OTUD6A: variants seen among roughly 807,000 people sequenced by gnomAD.
The protein encoded by OTUD6A is OTU domain-containing protein 6A.
For synonymous variants in OTUD6A, 138 were observed against 120.2 expected, an observed-to-expected ratio of 1.15 and a Z score of -0.97; for missense variants, 209 against 268.2, an observed-to-expected ratio of 0.78 and a Z score of 1.54.
At position 70,062,574 on chromosome X, in the gene OTUD6A, G is replaced by A. The variant is rs1224202972; in HGVS notation, c.50G>A (p.Arg17His). 11 of 1,207,604 alleles carry A rather than the reference G, an allele frequency of 9.1e-6. No homozygotes were observed. The highest frequency in any genetic ancestry group is 4.6e-4 in the Middle Eastern group (2 of 4,370). ...EQQRILRRHQ[R>H]ERQELQAQIR... The stretch of plus-strand genomic sequence containing the variant: ...CAGCGCATACTGCGCCGCCACCAAC[G>A]CGAGAGGCAGGAGCTGCAGGCCCAG... The change falls in exon 1 of 1, where the codon CGC (arginine) becomes CAC (histidine). Residue 17 changes from arginine to histidine, a missense_variant. By Grantham distance (29) the Arg-to-His change is conservative. Coordinates refer to ENST00000338352, the MANE Select transcript of OTUD6A (RefSeq NM_207320.3).
chrX:70,063,516 CG>C lies in OTUD6A; in HGVS notation c.*126del, dbSNP rs1451051978. On this transcript the variant is annotated 3_prime_UTR_variant, in exon 1 of 1. Transcript: ENST00000338352. ...TTCCTTCCTTTTAATCAAAACTACC[CG>C]CCCCCGCCCCGCCCCCGCTTTCCTA... is the stretch of plus-strand genomic sequence containing the variant. 1.2e-6 allele frequency: 1 copy of C among 864,166 alleles called. No individual in the cohort carries two copies. The highest frequency in any genetic ancestry group is 1.6e-6 in the Non-Finnish European group (1 of 642,032). The allele number at this position is 864,166 out of a possible 1,213,427, so 71.2% of individuals were successfully genotyped here.
chrX:70,063,365 G>C lies in OTUD6A; in HGVS notation c.841G>C (p.Gly281Arg), dbSNP rs377479584. 8.4e-7 allele frequency: 1 copy of C among 1,196,481 alleles called. No homozygotes were observed. Among genetic ancestry groups the C allele is most frequent in the Non-Finnish European group, 1.1e-6 (1 of 887,334 alleles). ...SVTPLEAGAA[G>R]GVLPRLL is the part of the protein sequence containing the mutation. The stretch of plus-strand genomic sequence containing the variant: ...GACACCGCTCGAGGCCGGCGCCGCC[G>C]GGGGCGTGCTCCCGCGTCTCCTGTA... Residue 281 changes from glycine (G) to arginine (R), a missense_variant, in exon 1 of 1, where the codon GGG becomes CGG. Coordinates refer to ENST00000338352, the MANE Select transcript of OTUD6A (RefSeq NM_207320.3).
In OTUD6A at chrX:70,062,539, G is replaced by A. The variant is rs779850607; in HGVS notation, c.15G>A (p.Lys5=). The change falls in exon 1 of 1, where the codon AAG becomes AAA. Residue 5 remains lysine, a synonymous_variant. Coordinates refer to ENST00000338352, the MANE Select transcript of OTUD6A (RefSeq NM_207320.3). MDDP[K]SEQQRILRRH... is the part of the protein sequence containing the mutation. ...CATTCAACATCATGGATGATCCGAA[G>A]AGTGAACAGCAGCGCATACTGCGCC... 1.7e-6 allele frequency: 2 copies of A among 1,206,817 alleles called. No individual in the cohort carries two copies. Among genetic ancestry groups the A allele is most frequent in the East Asian group, 5.9e-5 (2 of 33,781 alleles).
Position 70,062,728 on chromosome X carries a change from C to A in OTUD6A, c.204C>A (p.Asp68Glu). 1 of 1,210,507 alleles carries A rather than the reference C, an allele frequency of 8.3e-7. No individual in the cohort carries two copies. Among genetic ancestry groups the A allele is most frequent in the Non-Finnish European group, 1.1e-6 (1 of 894,895 alleles). Residue 68 changes from aspartate to glutamate, a missense_variant, in exon 1 of 1, where the codon GAC becomes GAA. Coordinates refer to ENST00000338352, the MANE Select transcript of OTUD6A (RefSeq NM_207320.3). Reference protein sequence around the residue: ...KHRQELEKFQDDSSIESVVED... With the variant: ...KHRQELEKFQEDSSIESVVED... ...GGCAGGAGCTGGAGAAGTTCCAAGACGACAGTAGCATTGAATCTGTCGTCG... is the reference window on the plus strand; with the variant it reads ...GGCAGGAGCTGGAGAAGTTCCAAGAAGACAGTAGCATTGAATCTGTCGTCG...
In OTUD6A at chrX:70,063,622, C is replaced by A; in HGVS notation, c.*231C>A. The stretch of plus-strand genomic sequence containing the variant: ...TATGAGGGAAATCTCTGCATTGCAC[C>A]ACCAGAGGGGCATAAATTTGAAAGT... On this transcript the variant is annotated 3_prime_UTR_variant, in exon 1 of 1. Coordinates refer to ENST00000338352, the MANE Select transcript of OTUD6A (RefSeq NM_207320.3). 2.4e-6 allele frequency: 1 copy of A among 417,001 alleles called. No individual in the cohort carries two copies. 34.4% of individuals were successfully genotyped at this position (417,001 alleles called of 1,213,427 possible). A position where few individuals can be genotyped will look rare whatever the true frequency, so the allele number is the denominator to read the frequency against.
Position 70,062,590 on chromosome X carries a change from G to A in OTUD6A, c.66G>A (p.Leu22=). ...GCCACCAACGCGAGAGGCAGGAGCT[G>A]CAGGCCCAGATCCGGAGCTTAAAAA... The part of the protein sequence containing the change: ...LRRHQRERQE[L]QAQIRSLKNS... Residue 22 remains leucine, a synonymous_variant, in exon 1 of 1, where the codon CTG becomes CTA. Coordinates refer to ENST00000338352, the MANE Select transcript of OTUD6A (RefSeq NM_207320.3). The A allele has an allele frequency of 8.3e-7, 1 of 1,209,323 alleles. No individual in the cohort carries two copies. The highest frequency in any genetic ancestry group is 1.1e-6 in the Non-Finnish European group (1 of 894,265).
Position 70,062,727 on chromosome X carries a change from A to G in OTUD6A, c.203A>G (p.Asp68Gly). ...KHRQELEKFQDDSSIESVVED... is the reference protein window; with the variant it reads ...KHRQELEKFQGDSSIESVVED... ...CGGCAGGAGCTGGAGAAGTTCCAAG[A>G]CGACAGTAGCATTGAATCTGTCGTC... Residue 68 changes from aspartate to glycine, a missense_variant, in exon 1 of 1, where the codon GAC becomes GGC. Asp to Gly is a moderately conservative substitution (Grantham distance 94). Transcript: ENST00000338352. The G allele has an allele frequency of 8.3e-7, 1 of 1,210,666 alleles. No homozygotes were observed. The highest frequency in any genetic ancestry group is 2.3e-4 in the Middle Eastern group (1 of 4,356).
At position 70,064,067 on chromosome X, in the gene OTUD6A, G is replaced by A. The variant is rs1475533975; in HGVS notation, c.*676G>A. On this transcript the variant is annotated 3_prime_UTR_variant, in exon 1 of 1. Transcript: ENST00000338352. ...AGGTTGGCGGGGGCCTGTAATCCTA[G>A]CTACTTGGGGTGCTGAGGCAGGAGA... 9.0e-6 allele frequency: 1 copy of A among 111,247 alleles called. No homozygotes were observed. The highest frequency in any genetic ancestry group is 1.9e-5 in the Non-Finnish European group (1 of 52,997). 9.2% of individuals were successfully genotyped at this position (111,247 alleles called of 1,213,427 possible).
Position 70,062,711 on chromosome X carries a change from C to A in OTUD6A, c.187C>A (p.Leu63Met), listed in dbSNP as rs1445576482. The A allele has an allele frequency of 1.7e-6, 2 of 1,211,198 alleles. No homozygotes were observed. Among genetic ancestry groups the A allele is most frequent in the Admixed American group, 4.3e-5 (2 of 46,007 alleles). The stretch of plus-strand genomic sequence containing the variant: ...GATGGCTCAGAAGCACCGGCAGGAG[C>A]TGGAGAAGTTCCAAGACGACAGTAG... ...AEMAQKHRQE[L>M]EKFQDDSSIE... Residue 63 changes from leucine (L) to methionine (M), a missense_variant, in exon 1 of 1, where the codon CTG becomes ATG. Transcript: ENST00000338352.
In OTUD6A at chrX:70,062,965, G is replaced by A. The variant is rs760152639; in HGVS notation, c.441G>A (p.Pro147=). ...GARGLEMKAI[P]ADGHCMYRAI... ...GGGGTCTGGAGATGAAAGCGATCCCGGCCGACGGCCACTGCATGTACCGCG... is the reference window on the plus strand; with the variant it reads ...GGGGTCTGGAGATGAAAGCGATCCCAGCCGACGGCCACTGCATGTACCGCG... Residue 147 remains proline (P), a synonymous_variant, in exon 1 of 1, where the codon CCG becomes CCA. Coordinates refer to ENST00000338352, the MANE Select transcript of OTUD6A (RefSeq NM_207320.3). 5.0e-6 allele frequency: 6 copies of A among 1,204,116 alleles called. No homozygotes were observed. The South Asian group carries it at 9.0e-5, about 18-fold the overall frequency.
rs1348882403 is a variant in OTUD6A at position 70,062,785 on chromosome X, G to A, written c.261G>A (p.Arg87=). The change falls in exon 1 of 1, where the codon CGG becomes CGA. Residue 87 remains arginine, a synonymous_variant. Coordinates refer to ENST00000338352, the MANE Select transcript of OTUD6A (RefSeq NM_207320.3). The part of the protein sequence containing the change: ...EDLAKMNLEN[R]PPRSSKAHRK... The stretch of plus-strand genomic sequence containing the variant: ...TGGCCAAGATGAATCTGGAAAACCG[G>A]CCTCCCCGCTCCTCCAAAGCCCACA... The A allele has an allele frequency of 2.5e-6, 3 of 1,208,013 alleles. No homozygotes were observed. Among genetic ancestry groups the A allele is most frequent in the Non-Finnish European group, 3.4e-6 (3 of 893,774 alleles).
chrX:70,063,517 GC>G lies in OTUD6A; in HGVS notation c.*131del. 1.2e-6 allele frequency: 1 copy of G among 857,094 alleles called. No homozygotes were observed. The highest frequency in any genetic ancestry group is 1.6e-6 in the Non-Finnish European group (1 of 640,211). The allele number at this position is 857,094 out of a possible 1,213,427, so 70.6% of individuals were successfully genotyped here. ...TCCTTCCTTTTAATCAAAACTACCC[GC>G]CCCCGCCCCGCCCCCGCTTTCCTAA... On this transcript the variant is annotated 3_prime_UTR_variant, in exon 1 of 1. Transcript: ENST00000338352.
At position 70,062,843 on chromosome X, in the gene OTUD6A, G is replaced by A. The variant is rs753609385; in HGVS notation, c.319G>A (p.Glu107Lys). ...KRERMESEER[E>K]RQESIFQAEM... ...AGAAAGAATGGAGTCCGAGGAGAGG[G>A]AGCGCCAGGAGAGCATCTTCCAGGC... is the stretch of plus-strand genomic sequence containing the variant. Residue 107 changes from glutamate to lysine, a missense_variant, in exon 1 of 1, where the codon GAG (glutamate) becomes AAG (lysine). Glu to Lys is a moderately conservative substitution (Grantham distance 56). Transcript: ENST00000338352. The A allele has an allele frequency of 8.4e-7, 1 of 1,195,421 alleles. No homozygotes were observed. The highest frequency in any genetic ancestry group is 1.8e-5 in the South Asian group (1 of 54,721).
In OTUD6A at chrX:70,062,713, G is replaced by T. The variant is rs143600940; in HGVS notation, c.189G>T (p.Leu63=). Reference sequence around the variant, plus strand: ...TGGCTCAGAAGCACCGGCAGGAGCTGGAGAAGTTCCAAGACGACAGTAGCA... The same window carrying T: ...TGGCTCAGAAGCACCGGCAGGAGCTTGAGAAGTTCCAAGACGACAGTAGCA... The part of the protein sequence containing the change: ...AEMAQKHRQE[L]EKFQDDSSIE... Residue 63 remains leucine (L), a synonymous_variant, in exon 1 of 1, where the codon CTG becomes CTT. Transcript: ENST00000338352. The T allele has an allele frequency of 7.4e-6, 9 of 1,209,544 alleles. No homozygotes were observed. The African/African-American group carries it at 1.2e-4, about 16-fold the overall frequency.
At position 70,063,362 on chromosome X, in the gene OTUD6A, G is replaced by A. The variant is rs754066346; in HGVS notation, c.838G>A (p.Ala280Thr). 48 of 1,195,657 alleles carry A rather than the reference G, an allele frequency of 4.0e-5. No individual in the cohort carries two copies. The South Asian group carries it at 8.2e-4, about 20-fold the overall frequency. The change falls in exon 1 of 1, where the codon GCC becomes ACC. Residue 280 changes from alanine to threonine, a missense_variant. Transcript: ENST00000338352. The part of the protein sequence containing the change: ...NSVTPLEAGA[A>T]GGVLPRLL ...CGTGACACCGCTCGAGGCCGGCGCC[G>A]CCGGGGGCGTGCTCCCGCGTCTCCT...
At position 70,063,279 on chromosome X, in the gene OTUD6A, A is replaced by G. The variant is rs1260712771; in HGVS notation, c.755A>G (p.Lys252Arg). The change falls in exon 1 of 1, where the codon AAG (lysine) becomes AGG (arginine). Residue 252 changes from lysine to arginine, a missense_variant. Transcript: ENST00000338352. ...TLIIGEEYVK[K>R]PIILVYLRYA... ...ATCATCGGGGAGGAGTACGTCAAGAAGCCGATCATCCTGGTCTACCTGCGC... is the reference window on the plus strand; with the variant it reads ...ATCATCGGGGAGGAGTACGTCAAGAGGCCGATCATCCTGGTCTACCTGCGC... 8.3e-7 allele frequency: 1 copy of G among 1,211,100 alleles called. No individual in the cohort carries two copies.
Position 70,063,283 on chromosome X carries a change from G to A in OTUD6A, c.759G>A (p.Pro253=), listed in dbSNP as rs1479120379. 1 of 1,209,307 alleles carries A rather than the reference G, an allele frequency of 8.3e-7. No individual in the cohort carries two copies. The highest frequency in any genetic ancestry group is 1.1e-6 in the Non-Finnish European group (1 of 895,147). ...TCGGGGAGGAGTACGTCAAGAAGCC[G>A]ATCATCCTGGTCTACCTGCGCTATG... ...LIIGEEYVKK[P]IILVYLRYAY... The change falls in exon 1 of 1, where the codon CCG becomes CCA. Residue 253 remains proline, a synonymous_variant. Transcript: ENST00000338352.
In OTUD6A at chrX:70,063,279, A is replaced by C; in HGVS notation, c.755A>C (p.Lys252Thr). The change falls in exon 1 of 1, where the codon AAG becomes ACG. Residue 252 changes from lysine to threonine, a missense_variant. Physicochemically the swap from Lys to Thr is moderately conservative, Grantham distance 78. Transcript: ENST00000338352. Reference sequence around the variant, plus strand: ...ATCATCGGGGAGGAGTACGTCAAGAAGCCGATCATCCTGGTCTACCTGCGC... The same window carrying C: ...ATCATCGGGGAGGAGTACGTCAAGACGCCGATCATCCTGGTCTACCTGCGC... ...TLIIGEEYVKKPIILVYLRYA... is the reference protein window; with the variant it reads ...TLIIGEEYVKTPIILVYLRYA... 4.1e-6 allele frequency: 5 copies of C among 1,211,100 alleles called. No individual in the cohort carries two copies. The highest frequency in any genetic ancestry group is 5.6e-6 in the Non-Finnish European group (5 of 895,451).
In OTUD6A at chrX:70,063,643, A is replaced by G. The variant is rs1204070348; in HGVS notation, c.*252A>G. On this transcript the variant is annotated 3_prime_UTR_variant, in exon 1 of 1. Coordinates refer to ENST00000338352, the MANE Select transcript of OTUD6A (RefSeq NM_207320.3). The stretch of plus-strand genomic sequence containing the variant: ...GCACCACCAGAGGGGCATAAATTTG[A>G]AAGTTCTAACCTCTTCTTGCCCTTA... The G allele has an allele frequency of 5.2e-6, 2 of 388,182 alleles. No individual in the cohort carries two copies. The highest frequency in any genetic ancestry group is 5.1e-5 in the African/African-American group (2 of 39,331). The allele number at this position is 388,182 out of a possible 1,213,427, so 32.0% of individuals were successfully genotyped here.
Sources: allele counts gnomAD v4.1 joint callset, GRCh38; gene constraint gnomAD v4.1.1; transcripts MANE v1.5; gene names NCBI Gene and HGNC (gene_info 2026-07-23, HGNC 2026-07-21).